The following ANKS1B variants were observed in gnomAD, a reference collection of about 807,000 sequenced individuals.
ANKS1B encodes ankyrin repeat and sterile alpha motif domain containing 1B.
Under a neutral mutation model 148.3 loss-of-function variants are expected in ANKS1B, and 36 were observed. The ratio of observed to expected loss-of-function variants is 0.24; its 90% CI spans 0.19 to 0.32. The LOEUF (loss-of-function observed/expected upper bound fraction) is 0.32, where lower values mean the gene tolerates loss of function less well. ANKS1B is among the 10% of genes least tolerant of loss of function. The probability of loss-of-function intolerance (pLI) is 1.00; values close to 1 mark genes in which losing one functional copy is unlikely to be tolerated. For synonymous variants in ANKS1B, 542 were observed against 560.8 expected, an observed-to-expected ratio of 0.97 and a Z score of 0.47; for missense variants, 1,157 against 1,542.6, an observed-to-expected ratio of 0.75 and a Z score of 4.19.
chr12:99,109,220 C>G (rs923968081), intron 15 of ANKS1B, among the ~76,000 whole-genome samples: 1 of 152,086 alleles, frequency 6.6e-6, no homozygotes, highest in Non-Finnish European at 1.5e-5. Flanking sequence ...TCTCAGGATG[C>G]CTGTTTTTAT....
chr12:99,437,005 G>A (rs926249112), intron 11 of ANKS1B, among the ~76,000 whole-genome samples: 5 of 151,976 alleles, frequency 3.3e-5, no homozygotes, highest in African/African-American at 1.2e-4. Context: ...TGGGTTAGTG[G>A]TGAGGTTTGG....
At chr12:98,805,938 C>A (rs2099047617) in intron 20 of ANKS1B, among the ~76,000 whole-genome samples, 1 of 152,220 alleles carries the variant, frequency 6.6e-6, no homozygotes, top group Non-Finnish European at 1.5e-5. Flanking sequence ...ATGGCACAAT[C>A]TCGGTTCATT....
At position 99,394,485 on chromosome 12, in the gene ANKS1B, T is replaced by C. The variant is rs148563947; in HGVS notation, c.1756+5146A>G. ...CTTAAAACCACCACATGAGGCTCTA[T>C]CATTTCCAACCAAATTGCTCTTGTC... On this transcript the variant is annotated intron_variant, in intron 12 of 26. Coordinates refer to ENST00000683438, the MANE Select transcript of ANKS1B (RefSeq NM_001352186.2). Among the ~76,000 whole-genome samples, 196 of 152,266 alleles carry C rather than the reference T, an allele frequency of 1.3e-3. 1 individual carries two copies. The highest frequency in any genetic ancestry group is 4.7e-3 in the African/African-American group (194 of 41,546).
At chr12:99,145,493 A>T (rs1192616113) in intron 15 of ANKS1B, among the ~76,000 whole-genome samples, 3 of 152,070 alleles carry the variant, frequency 2.0e-5, no homozygotes, top group Non-Finnish European at 4.4e-5. Context: ...AGCAATCGCG[A>T]GGACATAGGC....
intron 9 of ANKS1B, among the ~76,000 whole-genome samples, chr12:99,607,833 A>G (rs781711339): frequency 1.3e-5 from 2 of 152,102 alleles, no homozygotes; most frequent in Non-Finnish European, 2.9e-5. Context: ...AAAAGCACAG[A>G]GAAAGAATGC....
At chr12:98,851,466 C>A (rs1457637813) in intron 17 of ANKS1B, among the ~76,000 whole-genome samples, 1 of 152,128 alleles carries the variant, frequency 6.6e-6, no homozygotes, top group Non-Finnish European at 1.5e-5. Context: ...TGCAAGGACA[C>A]AACAGGACAT....
chr12:99,578,119 T>C (rs809795), intron 9 of ANKS1B, among the ~76,000 whole-genome samples: 29,973 of 152,038 alleles, frequency 0.2, 3,178 homozygotes, highest in South Asian at 0.27. Flanking sequence ...AATAAAACCA[T>C]ATGATTTTGT....
intron 8 of ANKS1B, among the ~76,000 whole-genome samples, chr12:99,751,512 A>C (rs1183769003): frequency 1.3e-5 from 2 of 152,076 alleles, no homozygotes; most frequent in African/African-American, 4.8e-5. Context: ...GAACTACCCC[A>C]GGCAAGACTG....
At chr12:99,749,505 C>A (rs563439614) in intron 8 of ANKS1B, among the ~76,000 whole-genome samples, 3 of 152,142 alleles carry the variant, frequency 2.0e-5, no homozygotes, top group African/African-American at 7.2e-5. Flanking sequence ...TAACACATTC[C>A]TTTTCTGCAT....
chr12:99,947,921 A>G (rs2095111247), intron 1 of ANKS1B, among the ~76,000 whole-genome samples: 1 of 152,166 alleles, frequency 6.6e-6, no homozygotes, highest in Admixed American at 6.5e-5. Context: ...AAAGTCAGCA[A>G]TGGTGCACTG....
At chr12:99,115,776 T>C (rs190921287) in intron 15 of ANKS1B, among the ~76,000 whole-genome samples, 11 of 151,780 alleles carry the variant, frequency 7.2e-5, no homozygotes, top group Admixed American at 2.0e-4. Context: ...ACTTAAAAAA[T>C]ACAAAATTAG....
intron 10 of ANKS1B, among the ~76,000 whole-genome samples, chr12:99,462,532 T>C (rs1035770608): frequency 6.6e-6 from 1 of 152,216 alleles, no homozygotes; most frequent in African/African-American, 2.4e-5. Flanking sequence ...AAGTCAGCTT[T>C]CTGGTGAATC....
At chr12:99,303,056 C>T in intron 12 of ANKS1B, among the ~76,000 whole-genome samples, 1 of 152,062 alleles carries the variant, frequency 6.6e-6, no homozygotes, top group Admixed American at 6.6e-5. Flanking sequence ...AACGCACACA[C>T]CGGTCAGAAT....
At chr12:99,354,597 C>T (rs1237264875) in intron 12 of ANKS1B, among the ~76,000 whole-genome samples, 1 of 151,916 alleles carries the variant, frequency 6.6e-6, no homozygotes, top group Non-Finnish European at 1.5e-5. Flanking sequence ...GCTCATTGAA[C>T]CCACTGTTGT....
intron 16 of ANKS1B, among the ~76,000 whole-genome samples, chr12:99,083,627 G>C (rs2050607597): frequency 6.6e-6 from 1 of 152,026 alleles, no homozygotes. Context: ...AATATGTTAT[G>C]AAATACACAT....
At chr12:99,666,863 T>G (rs922900874) in intron 8 of ANKS1B, among the ~76,000 whole-genome samples, 1 of 134,422 alleles carries the variant, frequency 7.4e-6, no homozygotes. Flanking sequence ...ATGGGGTGTG[T>G]GTGTGTGTGT....
At position 98,796,969 on chromosome 12, in the gene ANKS1B, C is replaced by T. The variant is rs533386617; in HGVS notation, c.3342+1965G>A. Among the ~76,000 whole-genome samples, 18 of 152,266 alleles carry T rather than the reference C, an allele frequency of 1.2e-4. No individual in the cohort carries two copies. In the East Asian group the frequency reaches 3.5e-3, roughly 29 times the overall value. On this transcript the variant is annotated intron_variant, in intron 22 of 26. Transcript: ENST00000683438. ...TATATTTTAAATGATGCTGCATGCA[C>T]TAGGCAATACTGATGCTGATTATCA...
intron 14 of ANKS1B, among the ~76,000 whole-genome samples, chr12:99,224,854 T>A (rs547693768): frequency 6.6e-5 from 10 of 152,208 alleles, no homozygotes; most frequent in Non-Finnish European, 1.5e-4. Flanking sequence ...TATCTCATAA[T>A]CTTTCTCATA....
At chr12:99,633,093 A>C (rs1464847000) in intron 9 of ANKS1B, among the ~76,000 whole-genome samples, 2 of 151,390 alleles carry the variant, frequency 1.3e-5, no homozygotes, top group Non-Finnish European at 2.9e-5. Context: ...TGAACTCATC[A>C]TTTTTTATGT....
Sources: gnomAD v4.1 joint callset for allele counts (sites outside exome capture counted in the v4.1 genomes callset) on GRCh38, gnomAD v4.1.1 for gene constraint, MANE v1.5 for transcripts, NCBI Gene and HGNC (gene_info 2026-07-23, HGNC 2026-07-21) for gene names.